PTPRD: variants seen among roughly 807,000 people sequenced by gnomAD.
PTPRD encodes the protein receptor-type tyrosine-protein phosphatase delta.
PTPRD carries 34 observed loss-of-function variants against 214.5 expected under a neutral mutation model. The ratio of observed to expected loss-of-function variants is 0.16; its 90% confidence interval spans 0.12 to 0.21. PTPRD has a LOEUF of 0.21. Among genes scored for constraint, PTPRD ranks in the 10% least tolerant of loss-of-function variants. PTPRD has a pLI of 1.00. For synonymous variants in PTPRD, 1,128 were observed against 845.7 expected (o/e 1.33, Z -5.79); for missense variants, 2,545 against 2,398.7 (o/e 1.06, Z -1.27).
At chr9:10,268,778 A>G (rs1595780793) in intron 3 of PTPRD, among the ~76,000 whole-genome samples, 1 of 152,172 alleles carries the variant, frequency 6.6e-6, no homozygotes, top group Non-Finnish European at 1.5e-5. Context: ...CGTCTGTTTT[A>G]TGCTACCTTT....
At chr9:9,138,543 C>G (rs2099854692) in intron 10 of PTPRD, among the ~76,000 whole-genome samples, 1 of 150,484 alleles carries the variant, frequency 6.6e-6, no homozygotes, top group Non-Finnish European at 1.5e-5. Context: ...TTACCCATTT[C>G]TTTCACTTTT....
intron 2 of PTPRD, among the ~76,000 whole-genome samples, chr9:10,350,659 G>A (rs1156243174): frequency 1.3e-5 from 2 of 152,052 alleles, no homozygotes; most frequent in Non-Finnish European, 2.9e-5. Context: ...TGGGCCATCT[G>A]CCAAAACAGT....
intron 2 of PTPRD, among the ~76,000 whole-genome samples, chr9:10,553,396 C>T (rs1472300128): frequency 1.3e-5 from 2 of 150,352 alleles, no homozygotes; most frequent in Non-Finnish European, 3.0e-5. Flanking sequence ...GAAAAAAATC[C>T]TACACATAAA....
At chr9:9,988,987 A>G (rs1277863913) in intron 4 of PTPRD, among the ~76,000 whole-genome samples, 5 of 139,720 alleles carry the variant, frequency 3.6e-5, no homozygotes, top group African/African-American at 1.3e-4. Context: ...TCTCTCCCAA[A>G]CATCAGAAGA....
At chr9:8,837,177 G>A (rs994268028) in intron 11 of PTPRD, among the ~76,000 whole-genome samples, 49 of 151,752 alleles carry the variant, frequency 3.2e-4, no homozygotes, top group Admixed American at 1.2e-3. Context: ...ACCATGACCA[G>A]CTAATTTTTG....
intron 2 of PTPRD, among the ~76,000 whole-genome samples, chr9:10,537,490 C>T (rs1324513026): frequency 2.6e-5 from 4 of 152,124 alleles, no homozygotes; most frequent in African/African-American, 4.8e-5. Flanking sequence ...TGGGCATTAA[C>T]ATAAACTAAA....
chr9:9,462,611 T>G (rs1364040645), intron 8 of PTPRD, among the ~76,000 whole-genome samples: 1 of 152,146 alleles, frequency 6.6e-6, no homozygotes, highest in African/African-American at 2.4e-5. Flanking sequence ...GGGTGGCCTG[T>G]TCTAGTTGCC....
chr9:9,140,198 AAAAAG>A (rs1379498303), intron 10 of PTPRD, among the ~76,000 whole-genome samples: 2 of 151,754 alleles, frequency 1.3e-5, no homozygotes, highest in South Asian at 2.1e-4. Context: ...ATGGAAAAAA[AAAAAG>A]AAAAAGAAAA....
At position 10,400,059 on chromosome 9, in the gene PTPRD, A is replaced by G. The variant is rs192515825; in HGVS notation, c.-599-59042T>C. 7.1e-4 allele frequency among the ~76,000 whole-genome samples: 108 copies of G among 151,972 alleles called. 1 individual carries two copies. The highest frequency in any genetic ancestry group is 1.3e-3 in the Admixed American group (20 of 15,220). On this transcript the variant is annotated intron_variant, in intron 2 of 45. Transcript: ENST00000381196. ...TAGAGGAAAAACTTAGTTATGTCCT[A>G]TTTTATAGAGCATAACTCCGATATA...
In PTPRD at chr9:9,097,417, TTTTTC is replaced by T. The variant is rs555423823; in HGVS notation, c.-142-78687_-142-78683del. On this transcript the variant is annotated intron_variant, in intron 10 of 45. Coordinates refer to ENST00000381196, the MANE Select transcript of PTPRD (RefSeq NM_002839.4). ...CACCATGGCTCTTTTTTTTTTTTTCTTTTTCTTTTGAGATGGAGTCTCGCTCTGTC... is the reference window on the plus strand; with the variant it reads ...CACCATGGCTCTTTTTTTTTTTTTCTTTTTGAGATGGAGTCTCGCTCTGTC... 1.6e-3 allele frequency among the ~76,000 whole-genome samples: 238 copies of T among 149,360 alleles called. 3 individuals are homozygous for T. The highest frequency in any genetic ancestry group is 0.014 in the Middle Eastern group (4 of 288).
At chr9:8,566,136 G>GTGTGTGTGTGTGTGT (rs2089048451) in intron 14 of PTPRD, among the ~76,000 whole-genome samples, 1 of 145,188 alleles carries the variant, frequency 6.9e-6, no homozygotes, top group African/African-American at 2.5e-5. Flanking sequence ...GTGTGTGTGT[G>GTGTGTGTGTGTGTGT]TGTGTATAGC....
intron 5 of PTPRD, among the ~76,000 whole-genome samples, chr9:9,828,478 A>G (rs1180038223): frequency 6.6e-6 from 1 of 152,094 alleles, no homozygotes; most frequent in East Asian, 1.9e-4. Flanking sequence ...AGGAAGGGGA[A>G]CATCACACAC....
At position 9,386,221 on chromosome 9, in the gene PTPRD, G is replaced by A. The variant is rs1444956817; in HGVS notation, c.-203+11228C>T. 3.3e-5 allele frequency among the ~76,000 whole-genome samples: 5 copies of A among 152,082 alleles called. No individual in the cohort carries two copies. In the South Asian group the frequency reaches 6.2e-4, roughly 19 times the overall value. The stretch of plus-strand genomic sequence containing the variant: ...AGATTTCCCTTAATCCTATGTGACT[G>A]GAATGAAGTATGTGAGCCCCTGGCA... On this transcript the variant is annotated intron_variant, in intron 9 of 45. Transcript: ENST00000381196.
intron 2 of PTPRD, among the ~76,000 whole-genome samples, chr9:10,387,364 A>G (rs1170812173): frequency 6.6e-6 from 1 of 151,926 alleles, no homozygotes; most frequent in East Asian, 1.9e-4. Flanking sequence ...GTTAGGCACT[A>G]CAACTAAGTA....
At chr9:9,495,445 C>T (rs1250990128) in intron 8 of PTPRD, among the ~76,000 whole-genome samples, 2 of 152,130 alleles carry the variant, frequency 1.3e-5, no homozygotes, top group Non-Finnish European at 2.9e-5. Flanking sequence ...TGCCTTTTTA[C>T]CAATCAAATG....
intron 11 of PTPRD, among the ~76,000 whole-genome samples, chr9:8,940,446 C>CTTTTTTTTTTTTT (rs34288443): frequency 2.8e-4 from 27 of 95,016 alleles, no homozygotes; most frequent in South Asian, 2.2e-3. Flanking sequence ...CCACTCCCAG[C>CTTTTTTTTTTTTT]TTTTTTTTTT....
chr9:8,978,537 C>G (rs935869335), intron 11 of PTPRD, among the ~76,000 whole-genome samples: 1 of 151,948 alleles, frequency 6.6e-6, no homozygotes, highest in East Asian at 1.9e-4. Flanking sequence ...TTTAGGCAGA[C>G]TCAGACCTAT....
intron 9 of PTPRD, among the ~76,000 whole-genome samples, chr9:9,342,118 A>G (rs7046209): frequency 0.057 from 8,613 of 152,168 alleles, 817 homozygotes; most frequent in African/African-American, 0.2. Context: ...CAAGATTTTA[A>G]GAGAAAAGTT....
intron 9 of PTPRD, among the ~76,000 whole-genome samples, chr9:9,316,962 C>G (rs896075507): frequency 1.9e-4 from 29 of 152,162 alleles, no homozygotes; most frequent in Non-Finnish European, 8.8e-5. Flanking sequence ...AATCTGCCCT[C>G]ATTTCTTTCT....
Sources: gnomAD v4.1 joint callset for allele counts (sites outside exome capture counted in the v4.1 genomes callset) on GRCh38, gnomAD v4.1.1 for gene constraint, MANE v1.5 for transcripts, NCBI Gene and HGNC (gene_info 2026-07-23, HGNC 2026-07-21) for gene names.